Variants in SH3RF3 observed in about 807,000 individuals in gnomAD.
SH3RF3 encodes the protein E3 ubiquitin-protein ligase SH3RF3.
A neutral mutation model predicts 66.3 loss-of-function variants in SH3RF3; 29 were observed. That is an observed-to-expected ratio of 0.44 (90% CI 0.33 to 0.60). SH3RF3 has a LOEUF of 0.60. Ranked by LOEUF, SH3RF3 falls within the 20% of genes least tolerant of loss-of-function variation. SH3RF3 has a pLI of 0.04. For missense variants in SH3RF3, 1,194 were observed against 1,190.9 expected, an observed-to-expected ratio of 1.00 and a Z score of -0.04; for synonymous variants, 583 against 532.0, an observed-to-expected ratio of 1.10 and a Z score of -1.32.
intron 1 of SH3RF3, among the ~76,000 whole-genome samples, chr2:109,237,627 G>A (rs184214236): frequency 1.8e-3 from 270 of 152,102 alleles, no homozygotes; most frequent in African/African-American, 6.1e-3. Flanking sequence ...AAAGCTCATC[G>A]GCTATTGTTA....
At chr2:109,337,736 C>A (rs4676277) in intron 1 of SH3RF3, among the ~76,000 whole-genome samples, 1 of 150,392 alleles carries the variant, frequency 6.6e-6, no homozygotes, top group African/African-American at 2.4e-5. Flanking sequence ...TAAGGTCCCC[C>A]TTTTTTTTTG....
intron 8 of SH3RF3, among the ~76,000 whole-genome samples, chr2:109,480,373 C>T (rs995615590): frequency 6.6e-6 from 1 of 152,186 alleles, no homozygotes; most frequent in African/African-American, 2.4e-5. Context: ...AGACATAAGG[C>T]ATTTGTTCAA....
chr2:109,363,442 A>G (rs966978805), intron 2 of SH3RF3, among the ~76,000 whole-genome samples: 10 of 152,206 alleles, frequency 6.6e-5, no homozygotes, highest in African/African-American at 2.2e-4. Context: ...AAACACACAC[A>G]CATAAGCATA....
At chr2:109,194,054 A>G (rs933596652) in intron 1 of SH3RF3, among the ~76,000 whole-genome samples, 2 of 152,230 alleles carry the variant, frequency 1.3e-5, no homozygotes, top group African/African-American at 4.8e-5. Flanking sequence ...GTGTGTGCAC[A>G]GTGTGCCAAA....
intron 1 of SH3RF3, among the ~76,000 whole-genome samples, chr2:109,207,713 A>AGG (rs1275381984): frequency 6.6e-6 from 1 of 152,190 alleles, no homozygotes; most frequent in Non-Finnish European, 1.5e-5. Context: ...ACATTTGTAT[A>AGG]GGAAGACTTA....
intron 1 of SH3RF3, among the ~76,000 whole-genome samples, chr2:109,158,338 C>A (rs991326066): frequency 1.3e-5 from 2 of 152,288 alleles, no homozygotes; most frequent in African/African-American, 4.8e-5. Context: ...ACTCCCTCAA[C>A]GCTTAGGTGT....
At chr2:109,490,118 C>T (rs960748411) in intron 8 of SH3RF3, among the ~76,000 whole-genome samples, 4 of 152,230 alleles carry the variant, frequency 2.6e-5, no homozygotes, top group Non-Finnish European at 4.4e-5. Context: ...CTGATGGAAC[C>T]ATTCTCCATG....
Position 109,233,008 on chromosome 2 carries a change from T to A in SH3RF3, c.573+102895T>A, listed in dbSNP as rs7340460. ...GCTTGCTTACTTGGCCACCATGTGC[T>A]CAAACCCCTTGCAGGATGGGAAGCA... On this transcript the variant is annotated intron_variant, in intron 1 of 9. Coordinates refer to ENST00000309415, the MANE Select transcript of SH3RF3 (RefSeq NM_001099289.3). Among the ~76,000 whole-genome samples, 1,344 of 152,160 alleles carry A rather than the reference T, an allele frequency of 8.8e-3. 16 individuals are homozygous for A. The highest frequency in any genetic ancestry group is 0.031 in the African/African-American group (1,286 of 41,496).
In SH3RF3 at chr2:109,204,295, C is replaced by T. The variant is rs187516293; in HGVS notation, c.573+74182C>T. The stretch of plus-strand genomic sequence containing the variant: ...CATTCCTAGATAATTTAGCAGACAC[C>T]TCTGCAGAATAAGGGCACTCTTCTG... On this transcript the variant is annotated intron_variant, in intron 1 of 9. Coordinates refer to ENST00000309415, the MANE Select transcript of SH3RF3 (RefSeq NM_001099289.3). Among the ~76,000 whole-genome samples the T allele has an allele frequency of 1.6e-3, 245 of 152,298 alleles. 2 individuals are homozygous for T. The highest frequency in any genetic ancestry group is 5.6e-3 in the African/African-American group (233 of 41,574).
intron 1 of SH3RF3, among the ~76,000 whole-genome samples, chr2:109,242,032 C>T (rs556535245): frequency 2.0e-5 from 3 of 152,094 alleles, no homozygotes; most frequent in Admixed American, 2.0e-4. Context: ...TTTCCCAGTC[C>T]TTCGTCCTGC....
intron 1 of SH3RF3, among the ~76,000 whole-genome samples, chr2:109,200,285 C>A (rs145218650): frequency 6.6e-6 from 1 of 152,116 alleles, no homozygotes; most frequent in Admixed American, 6.5e-5. Flanking sequence ...TCTCAGTGGG[C>A]GTCTGTTTGC....
chr2:109,409,847 G>A lies in SH3RF3; in HGVS notation c.1300-9692G>A, dbSNP rs539662767. Among the ~76,000 whole-genome samples, 3 of 152,248 alleles carry A rather than the reference G, an allele frequency of 2.0e-5. No individual in the cohort carries two copies. The South Asian group carries it at 6.2e-4, about 32-fold the overall frequency. ...CATGAGGGTCTGATTTACACCCCGT[G>A]TAATGGAGTGGTAGCGAGTGATGAA... On this transcript the variant is annotated intron_variant, in intron 4 of 9. Coordinates refer to ENST00000309415, the MANE Select transcript of SH3RF3 (RefSeq NM_001099289.3).
intron 6 of SH3RF3, among the ~76,000 whole-genome samples, chr2:109,434,431 C>T (rs1016412253): frequency 1.2e-4 from 18 of 152,188 alleles, no homozygotes; most frequent in Non-Finnish European, 2.4e-4. Flanking sequence ...GTAAAGCCTG[C>T]GGTTGAAATC....
At chr2:109,457,456 CAT>C (rs1211742282) in intron 8 of SH3RF3, among the ~76,000 whole-genome samples, 3 of 152,178 alleles carry the variant, frequency 2.0e-5, no homozygotes, top group Non-Finnish European at 2.9e-5. Flanking sequence ...ATTTGTAAGT[CAT>C]GTGTAATAGT....
chr2:109,436,546 CTG>C (rs1416088493), intron 6 of SH3RF3, among the ~76,000 whole-genome samples: 34 of 152,372 alleles, frequency 2.2e-4, no homozygotes, highest in African/African-American at 7.0e-4. Context: ...CGGGACATGA[CTG>C]AGTCATCTGT....
At chr2:109,437,308 A>G (rs1254517930) in intron 7 of SH3RF3, among the ~76,000 whole-genome samples, 162 bp downstream of exon 7, 1 of 152,054 alleles carries the variant, frequency 6.6e-6, no homozygotes, top group Non-Finnish European at 1.5e-5. Flanking sequence ...TGGCCCCAGA[A>G]TGTTGTGAGA....
intron 1 of SH3RF3, among the ~76,000 whole-genome samples, chr2:109,147,488 A>G (rs923919687): frequency 2.6e-5 from 4 of 152,236 alleles, no homozygotes; most frequent in Non-Finnish European, 5.9e-5. Flanking sequence ...CACTTGGTCA[A>G]CAGATCTGAT....
intron 1 of SH3RF3, among the ~76,000 whole-genome samples, chr2:109,243,220 C>T (rs187842717): frequency 6.6e-6 from 1 of 152,338 alleles, no homozygotes; most frequent in Non-Finnish European, 1.5e-5. Flanking sequence ...GTCTGCAGAT[C>T]CCCTGCCTCA....
At chr2:109,251,458 A>G (rs993079148) in intron 1 of SH3RF3, 3 of 728,526 alleles carry the variant, frequency 4.1e-6, no homozygotes, top group African/African-American at 1.7e-5. Flanking sequence ...GAAAAAATCT[A>G]TGGACAAGAA....
Sources: allele counts gnomAD v4.1 joint callset (sites outside exome capture counted in the v4.1 genomes callset), GRCh38; gene constraint gnomAD v4.1.1; transcripts MANE v1.5; gene names NCBI Gene and HGNC (gene_info 2026-07-23, HGNC 2026-07-21).